Variants in CAPN8 observed in about 807,000 individuals in gnomAD.
The protein encoded by CAPN8 is calpain-8.
Under a neutral mutation model 80.9 loss-of-function variants are expected in CAPN8, and 87 were observed. The observed-to-expected ratio is 1.07, with a 90% CI of 0.90 to 1.28. The LOEUF is 1.28. CAPN8 is among the 50% of genes most tolerant of loss of function. CAPN8 has a pLI of 0.00. For missense variants in CAPN8, 757 were observed against 702.0 expected (o/e 1.08, Z -0.89); for synonymous variants, 299 against 273.8 (o/e 1.09, Z -0.91).
chr1:223,655,054 T>C (rs1658446428), intron 1 of CAPN8, among the ~76,000 whole-genome samples: 1 of 151,798 alleles, frequency 6.6e-6, no homozygotes, highest in African/African-American at 2.4e-5. Flanking sequence ...GGAAAGGTGG[T>C]GAGGAGCAGG....
intron 1 of CAPN8, 87 bp from the exon 2 acceptor site, chr1:223,654,486 G>T (rs1192801515): frequency 1.6e-6 from 2 of 1,226,598 alleles, no homozygotes; most frequent in Non-Finnish European, 2.3e-6. Context: ...GTCCCAGGTT[G>T]CAGAGCTGGA....
intron 19 of CAPN8, 96 bp from the exon 20 acceptor site, chr1:223,543,262 G>A (rs559798038): frequency 3.3e-5 from 46 of 1,404,486 alleles, no homozygotes; most frequent in Non-Finnish European, 4.0e-5. Context: ...CCCCACCTGC[G>A]GAACTCTCCT....
intron 1 of CAPN8, among the ~76,000 whole-genome samples, chr1:223,660,579 C>G (rs545589917): frequency 1.1e-4 from 17 of 152,332 alleles, no homozygotes; most frequent in African/African-American, 3.8e-4. Flanking sequence ...TGCTCAATTG[C>G]TTATGAATAG....
chr1:223,541,726 G>A lies in CAPN8; in HGVS notation c.*110C>T. On this transcript the variant is annotated 3_prime_UTR_variant, in exon 21 of 21. Transcript: ENST00000366872. ...AATAGACCCAGGGCAAGAAAGGTAT[G>A]AACAACCAGTGAATGCCACTGGAGC... 6.6e-7 allele frequency: 1 copy of A among 1,519,898 alleles called. No homozygotes were observed. The highest frequency in any genetic ancestry group is 8.9e-7 in the Non-Finnish European group (1 of 1,119,156). 94.2% of individuals were successfully genotyped at this position (1,519,898 alleles called of 1,614,324 possible). A position where few individuals can be genotyped will look rare whatever the true frequency, so the allele number is the denominator to read the frequency against.
intron 1 of CAPN8, among the ~76,000 whole-genome samples, chr1:223,663,366 G>A (rs954826851): frequency 2.0e-5 from 3 of 152,062 alleles, no homozygotes; most frequent in African/African-American, 7.2e-5. Context: ...CAAGACCCTT[G>A]GGATCTGCAA....
rs1351746076 is a variant in CAPN8, at chr1:223,627,163, G to A, written c.561-6C>T. On this transcript the variant is annotated splice_polypyrimidine_tract_variant and splice_region_variant and intron_variant, in intron 4 of 20. Transcript: ENST00000366872. ...CCTCATAACAACCATTAAGCCTATT[G>A]GAAAAGAAAGAACACATGCTCCATT... 16 of 1,551,956 alleles carry A rather than the reference G, an allele frequency of 1.0e-5. No homozygotes were observed. Among genetic ancestry groups the A allele is most frequent in the Non-Finnish European group, 1.4e-5 (16 of 1,146,974 alleles).
Position 223,628,873 on chromosome 1 carries a change from G to A in CAPN8, c.308-93C>T, listed in dbSNP as rs764620139. The A allele has an allele frequency of 6.9e-6, 7 of 1,010,916 alleles. 1 individual carries two copies. The Admixed American group carries it at 1.2e-4, about 18-fold the overall frequency. The allele number at this position is 1,010,916 out of a possible 1,614,324, so 62.6% of individuals were successfully genotyped here. On this transcript the variant is annotated intron_variant, in intron 2 of 20. Coordinates refer to ENST00000366872, the MANE Select transcript of CAPN8 (RefSeq NM_001143962.2). Reference sequence around the variant, plus strand: ...CTGTCCCATTCAACCCAGAGTCCACGTTGCCACATTCCCTTCTGAGTCAGG... The same window carrying A: ...CTGTCCCATTCAACCCAGAGTCCACATTGCCACATTCCCTTCTGAGTCAGG...
chr1:223,609,079 G>A, intron 12 of CAPN8, 74 bp downstream of exon 12: 1 of 397,576 alleles, frequency 2.5e-6, no homozygotes, highest in Non-Finnish European at 4.4e-6. Flanking sequence ...GGTGGGTCCT[G>A]CACCTGCATG....
At chr1:223,663,460 CT>C (rs1658704252) in intron 1 of CAPN8, among the ~76,000 whole-genome samples, 1 of 152,108 alleles carries the variant, frequency 6.6e-6, no homozygotes, top group South Asian at 2.1e-4. Flanking sequence ...CTGTAGAGTT[CT>C]TACTTCATTC....
rs1261558140 is a variant in CAPN8 at position 223,545,255 on chromosome 1, G to T, written c.1809C>A (p.Leu603=). The change falls in exon 17 of 21, where the codon CTC becomes CTA. Residue 603 remains leucine (L), a synonymous_variant. Coordinates refer to ENST00000366872, the MANE Select transcript of CAPN8 (RefSeq NM_001143962.2). ...GTLGAVEFKT[L]WLKIQKYLEI... ...CCAGATACTTCTGAATCTTCAGCCA[G>T]AGCGTCTTGAATTCCACCGCCCCCA... 1.9e-6 allele frequency: 3 copies of T among 1,551,694 alleles called. No individual in the cohort carries two copies. In the African/African-American group the frequency reaches 4.1e-5, roughly 21 times the overall value.
At chr1:223,552,559 C>CAAAA (rs1167143421) in intron 14 of CAPN8, among the ~76,000 whole-genome samples, 17 of 65,636 alleles carry the variant, frequency 2.6e-4, no homozygotes, top group East Asian at 1.1e-3. Flanking sequence ...CAGTCCATCT[C>CAAAA]AAAAAAAAAA....
At chr1:223,647,036 G>A (rs1264854592) in intron 2 of CAPN8, among the ~76,000 whole-genome samples, 1 of 149,332 alleles carries the variant, frequency 6.7e-6, no homozygotes, top group Non-Finnish European at 1.5e-5. Context: ...TAAGGTTCAG[G>A]GGGTGTCTTC....
At chr1:223,614,399 C>CAAA (rs66479503) in intron 10 of CAPN8, among the ~76,000 whole-genome samples, 3 of 130,910 alleles carry the variant, frequency 2.3e-5, no homozygotes, top group Admixed American at 7.6e-5. Context: ...GAGTCCGTCT[C>CAAA]AAAAAAAAAA....
At chr1:223,554,545 G>A (rs952021787) in intron 13 of CAPN8, among the ~76,000 whole-genome samples, 2 of 151,982 alleles carry the variant, frequency 1.3e-5, no homozygotes, top group Admixed American at 1.3e-4. Context: ...CCAAGACTGT[G>A]CCACTGTATT....
Position 223,544,081 on chromosome 1 carries a change from A to G in CAPN8, c.2015T>C (p.Leu672Pro). 1.4e-6 allele frequency: 1 copy of G among 718,184 alleles called. No individual in the cohort carries two copies. Among genetic ancestry groups the G allele is most frequent in the Non-Finnish European group, 2.6e-6 (1 of 385,088 alleles). The allele number at this position is 718,184 out of a possible 1,614,324, so 44.5% of individuals were successfully genotyped here. Residue 672 changes from leucine (L) to proline (P), a missense_variant, in exon 19 of 21, where the codon CTG becomes CCG. Coordinates refer to ENST00000366872, the MANE Select transcript of CAPN8 (RefSeq NM_001143962.2). ...GAGTGACTCACTGAAGAGGGTCTCC[A>G]GGCGGATCATACAAGCCACGAAGCT... ...FDSFVACMIRLETLFKLFSLL... is the reference protein window; with the variant it reads ...FDSFVACMIRPETLFKLFSLL...
At chr1:223,649,464 C>T (rs139785819) in intron 2 of CAPN8, among the ~76,000 whole-genome samples, 1 of 152,332 alleles carries the variant, frequency 6.6e-6, no homozygotes, top group African/African-American at 2.4e-5. Flanking sequence ...CCTTCATGAC[C>T]TGCTTCCAGG....
intron 16 of CAPN8, among the ~76,000 whole-genome samples, chr1:223,546,521 C>G (rs566407023): frequency 6.6e-6 from 1 of 152,168 alleles, no homozygotes; most frequent in Non-Finnish European, 1.5e-5. Context: ...GTGTTGAATG[C>G]ATCATAGCCT....
At chr1:223,616,178 C>T (rs1402265052) in intron 9 of CAPN8, 33 bp from the exon 10 acceptor site, 11 of 1,532,626 alleles carry the variant, frequency 7.2e-6, no homozygotes, top group African/African-American at 2.8e-5. Context: ...TGGTTCCCCA[C>T]GTAGCGGGTG....
intron 16 of CAPN8, among the ~76,000 whole-genome samples, chr1:223,546,173 A>G (rs1656617367): frequency 6.6e-6 from 1 of 151,940 alleles, no homozygotes; most frequent in African/African-American, 2.4e-5. Context: ...CCTAAAGTTA[A>G]GTTTTTTAGA....
Sources: allele counts gnomAD v4.1 joint callset (sites outside exome capture counted in the v4.1 genomes callset), GRCh38; gene constraint gnomAD v4.1.1; transcripts MANE v1.5; gene names NCBI Gene and HGNC (gene_info 2026-07-23, HGNC 2026-07-21).